NCKAP1: variants seen among roughly 807,000 people sequenced by gnomAD.
NCKAP1 encodes nck-associated protein 1.
A neutral mutation model predicts 151.2 loss-of-function variants in NCKAP1; 21 were observed. That is an observed-to-expected ratio of 0.14 (90% confidence interval 0.10 to 0.20). The LOEUF (loss-of-function observed/expected upper bound fraction) is 0.20, where lower values mean the gene tolerates loss of function less well. NCKAP1 is among the 10% of genes least tolerant of loss of function. The pLI is 1.00. For missense variants in NCKAP1, 933 were observed against 1,352.1 expected, an observed-to-expected ratio of 0.69 and a Z score of 4.86; for synonymous variants, 484 against 451.8, an observed-to-expected ratio of 1.07 and a Z score of -0.90.
At chr2:182,957,291 GA>G in intron 19 of NCKAP1, 165 bp downstream of exon 19, 1 of 686,868 alleles carries the variant, frequency 1.5e-6, no homozygotes, top group Non-Finnish European at 2.1e-6. Flanking sequence ...ATTTTGAGAT[GA>G]AATAAGCAAC....
intron 1 of NCKAP1, among the ~76,000 whole-genome samples, chr2:183,025,760 T>G (rs931965731): frequency 6.6e-6 from 1 of 152,152 alleles, no homozygotes; most frequent in Non-Finnish European, 1.5e-5. Flanking sequence ...TACTAAAAAT[T>G]TGCCCAAACA....
intron 15 of NCKAP1, among the ~76,000 whole-genome samples, chr2:182,976,046 G>C (rs1697816624): frequency 6.6e-6 from 1 of 152,178 alleles, no homozygotes; most frequent in Admixed American, 6.5e-5. Context: ...TCTGGAGAAT[G>C]AAACTGGGAA....
At chr2:183,031,784 T>C (rs1699008970) in intron 1 of NCKAP1, among the ~76,000 whole-genome samples, 2 of 152,212 alleles carry the variant, frequency 1.3e-5, no homozygotes, top group African/African-American at 4.8e-5. Context: ...GGAATATCTA[T>C]TTAAGATTAC....
In NCKAP1 at chr2:182,924,676, G is replaced by C. The variant is rs1012254260; in HGVS notation, c.*1026C>G. 3.9e-5 allele frequency: 6 copies of C among 152,010 alleles called. No homozygotes were observed. In the East Asian group the frequency reaches 1.2e-3, roughly 29 times the overall value. The allele number at this position is 152,010 out of a possible 1,614,324, so 9.4% of individuals were successfully genotyped here. On this transcript the variant is annotated 3_prime_UTR_variant, in exon 31 of 31. Transcript: ENST00000361354. ...TCTTTAAGTTCTTAATTTTTAAGAAGTATTGTGTAATTTTATTTTCTAATT... is the reference window on the plus strand; with the variant it reads ...TCTTTAAGTTCTTAATTTTTAAGAACTATTGTGTAATTTTATTTTCTAATT...
At chr2:182,980,707 C>T (rs1697919401) in intron 13 of NCKAP1, among the ~76,000 whole-genome samples, 1 of 152,110 alleles carries the variant, frequency 6.6e-6, no homozygotes, top group Non-Finnish European at 1.5e-5. Flanking sequence ...TAACAATCTT[C>T]TTCAAAAAGA....
chr2:182,936,372 A>G (rs1696875266), intron 24 of NCKAP1, among the ~76,000 whole-genome samples: 1 of 152,266 alleles, frequency 6.6e-6, no homozygotes, highest in Admixed American at 6.5e-5. Flanking sequence ...AAAGCCTTAC[A>G]CTGTGTAGTA....
At chr2:183,023,050 T>C (rs1046730422) in intron 2 of NCKAP1, 4 of 152,070 alleles carry the variant, frequency 2.6e-5, no homozygotes, top group African/African-American at 4.8e-5. Context: ...TAAATTTGTA[T>C]GTAAAGCAAA....
intron 15 of NCKAP1, among the ~76,000 whole-genome samples, chr2:182,967,811 T>A (rs1226884566): frequency 6.6e-6 from 1 of 152,194 alleles, no homozygotes; most frequent in East Asian, 1.9e-4. Context: ...ATACACTGTA[T>A]TAATTTGACA....
chr2:183,037,390 C>G (rs1204125023), intron 1 of NCKAP1, among the ~76,000 whole-genome samples: 2 of 152,172 alleles, frequency 1.3e-5, no homozygotes, highest in Non-Finnish European at 2.9e-5. Context: ...CCCTCACTTC[C>G]CCCTCCTCTC....
intron 15 of NCKAP1, among the ~76,000 whole-genome samples, chr2:182,972,114 A>G (rs927255359): frequency 2.6e-5 from 4 of 152,010 alleles, no homozygotes; most frequent in Admixed American, 2.6e-4. Flanking sequence ...GAAGGAAACA[A>G]TCAGCACAGT....
chr2:182,994,023 A>C (rs1424592142), intron 8 of NCKAP1, among the ~76,000 whole-genome samples: 1 of 152,192 alleles, frequency 6.6e-6, no homozygotes, highest in Non-Finnish European at 1.5e-5. Context: ...ACAAACAAAC[A>C]AACAAAAACC....
rs552779866 is a variant in NCKAP1, at chr2:182,919,646, T to C, written c.*6056A>G. ...GAATGCAAGTGCTTTTTTTTTTTAATGTATTATAATTTTTTTTTTTTTTGA... is the reference window on the plus strand; with the variant it reads ...GAATGCAAGTGCTTTTTTTTTTTAACGTATTATAATTTTTTTTTTTTTTGA... On this transcript the variant is annotated 3_prime_UTR_variant, in exon 31 of 31. Transcript: ENST00000361354. The C allele has an allele frequency of 6.6e-6, 1 of 151,618 alleles. No individual in the cohort carries two copies. Among genetic ancestry groups the C allele is most frequent in the East Asian group, 1.9e-4 (1 of 5,152 alleles). 9.4% of individuals were successfully genotyped at this position (151,618 alleles called of 1,614,324 possible).
intron 8 of NCKAP1, among the ~76,000 whole-genome samples, chr2:182,993,053 C>T (rs996919767): frequency 6.6e-6 from 1 of 152,180 alleles, no homozygotes; most frequent in African/African-American, 2.4e-5. Context: ...CAAATACAGT[C>T]ATCTCTCAAT....
intron 13 of NCKAP1, among the ~76,000 whole-genome samples, chr2:182,980,087 T>C (rs1163097857): frequency 1.3e-5 from 2 of 152,114 alleles, no homozygotes; most frequent in African/African-American, 4.8e-5. Flanking sequence ...AACTGTATGC[T>C]AGTATGAATA....
intron 23 of NCKAP1, among the ~76,000 whole-genome samples, chr2:182,949,124 T>C (rs1015937060): frequency 4.6e-4 from 70 of 152,246 alleles, no homozygotes; most frequent in African/African-American, 1.6e-3. Flanking sequence ...CAATAAAAAA[T>C]TACTACTTAG....
In NCKAP1 at chr2:182,926,920, T is replaced by C. The variant is rs751824035; in HGVS notation, c.3181-15A>G. ...GAGGATGCAAGCTTAAAAGTATACA[T>C]ACACATAAAGTGAGTTTGTTAATAA... On this transcript the variant is annotated splice_polypyrimidine_tract_variant and intron_variant, in intron 29 of 30. Transcript: ENST00000361354. The C allele has an allele frequency of 3.3e-6, 5 of 1,538,228 alleles. No homozygotes were observed. Among genetic ancestry groups the C allele is most frequent in the Non-Finnish European group, 4.5e-6 (5 of 1,119,570 alleles).
chr2:182,939,161 G>A (rs1223981459), intron 24 of NCKAP1, among the ~76,000 whole-genome samples: 2 of 152,092 alleles, frequency 1.3e-5, no homozygotes, highest in African/African-American at 4.8e-5. Flanking sequence ...CTAGTCCCAA[G>A]AAACAGAATG....
At chr2:182,998,607 A>G (rs1332429539) in intron 6 of NCKAP1, among the ~76,000 whole-genome samples, 2 of 152,024 alleles carry the variant, frequency 1.3e-5, no homozygotes, top group Non-Finnish European at 2.9e-5. Context: ...AGGCGGGCTG[A>G]TTACCTGAGG....
chr2:182,951,209 A>G (rs1166436856), intron 23 of NCKAP1, among the ~76,000 whole-genome samples: 1 of 151,738 alleles, frequency 6.6e-6, no homozygotes, highest in Admixed American at 6.6e-5. Flanking sequence ...AGTCACACTG[A>G]CTCTTGCTAT....
Sources: gnomAD v4.1 joint callset for allele counts (sites outside exome capture counted in the v4.1 genomes callset) on GRCh38, gnomAD v4.1.1 for gene constraint, MANE v1.5 for transcripts, NCBI Gene and HGNC (gene_info 2026-07-23, HGNC 2026-07-21) for gene names.